The following PARP6 variants were observed in gnomAD, a reference collection of about 807,000 sequenced individuals.
PARP6 encodes poly(ADP-ribose) polymerase family member 6, also known as protein mono-ADP-ribosyltransferase PARP6.
A neutral mutation model predicts 92.0 loss-of-function variants in PARP6; 27 were observed. The observed-to-expected ratio is 0.29, with a 90% CI of 0.22 to 0.40. PARP6 has a LOEUF of 0.40. PARP6 is among the 10% of genes least tolerant of loss of function. PARP6 has a pLI of 1.00. For synonymous variants in PARP6, 272 were observed against 281.2 expected, an observed-to-expected ratio of 0.97 and a Z score of 0.33; for missense variants, 501 against 784.5, an observed-to-expected ratio of 0.64 and a Z score of 4.32.
chr15:72,270,770 A>G (rs949132249), intron 2 of PARP6, among the ~76,000 whole-genome samples: 1 of 152,152 alleles, frequency 6.6e-6, no homozygotes, highest in Non-Finnish European at 1.5e-5. Flanking sequence ...CTCCCTTCCC[A>G]GCTTTATTTT....
intron 16 of PARP6, among the ~76,000 whole-genome samples, chr15:72,252,827 C>CA (rs1196780278): frequency 6.6e-6 from 1 of 151,874 alleles, no homozygotes; most frequent in East Asian, 1.9e-4. Flanking sequence ...ATTAACAAAC[C>CA]AAAAAAGAAA....
chr15:72,270,868 C>G (rs1343508113), intron 2 of PARP6, among the ~76,000 whole-genome samples, 155 bp downstream of exon 2: 1 of 152,216 alleles, frequency 6.6e-6, no homozygotes, highest in African/African-American at 2.4e-5. Context: ...AGTCTACATT[C>G]TTAGTCCCTT....
chr15:72,257,680 C>T (rs2085312066), intron 12 of PARP6, among the ~76,000 whole-genome samples: 2 of 152,196 alleles, frequency 1.3e-5, no homozygotes, highest in Admixed American at 1.3e-4. Flanking sequence ...TGTTCTCTCA[C>T]CTGATTTTTA....
chr15:72,247,705 TTTG>T (rs2083792550), intron 20 of PARP6, among the ~76,000 whole-genome samples: 1 of 152,332 alleles, frequency 6.6e-6, no homozygotes, highest in Non-Finnish European at 1.5e-5. Flanking sequence ...TCTTGTCAGA[TTTG>T]TTATCTTTTT....
chr15:72,260,749 G>T, intron 9 of PARP6, 61 bp from the exon 10 acceptor site: 1 of 1,331,722 alleles, frequency 7.5e-7, no homozygotes, highest in South Asian at 1.2e-5. Context: ...CCCTGGAGGG[G>T]ACTGGAGATA....
In PARP6 at chr15:72,241,877, C is replaced by A; in HGVS notation, c.1790+24G>T. 5 of 1,558,798 alleles carry A rather than the reference C, an allele frequency of 3.2e-6. No homozygotes were observed. Among genetic ancestry groups the A allele is most frequent in the Non-Finnish European group, 4.4e-6 (5 of 1,129,916 alleles). On this transcript the variant is annotated intron_variant, in intron 23 of 23. Coordinates refer to ENST00000569795, the MANE Select transcript of PARP6 (RefSeq NM_001323532.2). The surrounding 1 kb of genome is among the most constrained non-coding windows in gnomAD (Gnocchi z 4.1). ...CCCCCAACCTCACTCCTCGAGTAAT[C>A]CCCAGAGTCCCTCCGACACTTACAC...
chr15:72,272,523 G>C lies in PARP6; in HGVS notation c.-590C>G, dbSNP rs2087598371. The C allele has an allele frequency of 6.6e-6, 1 of 150,856 alleles. No homozygotes were observed. The allele number at this position is 150,856 out of a possible 1,614,324, so 9.3% of individuals were successfully genotyped here. ...CTCACGGCGACCCCGGGCCGCGCGC[G>C]GCCGCAGCCGACGGGACGAGCGGCC... On this transcript the variant is annotated 5_prime_UTR_variant, in exon 1 of 24. Coordinates refer to ENST00000569795, the MANE Select transcript of PARP6 (RefSeq NM_001323532.2).
At chr15:72,247,161 A>C (rs2083723430) in intron 20 of PARP6, among the ~76,000 whole-genome samples, 1 of 152,066 alleles carries the variant, frequency 6.6e-6, no homozygotes, top group South Asian at 2.1e-4. Flanking sequence ...TGTCTTCTGA[A>C]GAATATAAGT....
intron 2 of PARP6, among the ~76,000 whole-genome samples, chr15:72,268,414 C>T (rs1350431314): frequency 6.6e-6 from 1 of 152,238 alleles, no homozygotes; most frequent in Non-Finnish European, 1.5e-5. Flanking sequence ...TCTCTTTAAA[C>T]ATCAGTATTA....
intron 20 of PARP6, among the ~76,000 whole-genome samples, chr15:72,246,638 A>G (rs796278546): frequency 7.9e-5 from 12 of 152,238 alleles, no homozygotes; most frequent in African/African-American, 2.9e-4. Context: ...ACACACACAT[A>G]ATACACATAT....
chr15:72,264,510 T>C (rs2086307759), intron 8 of PARP6, 45 bp downstream of exon 8: 2 of 1,432,834 alleles, frequency 1.4e-6, no homozygotes, highest in African/African-American at 1.4e-5. Flanking sequence ...CACCTCTCTC[T>C]CCTTCCTTCA....
chr15:72,258,502 T>A (rs1363386768), intron 11 of PARP6, among the ~76,000 whole-genome samples: 1 of 152,216 alleles, frequency 6.6e-6, no homozygotes, highest in East Asian at 1.9e-4. Flanking sequence ...GAAGGCATTT[T>A]AAAAATATAA....
intron 2 of PARP6, among the ~76,000 whole-genome samples, chr15:72,269,384 C>G (rs2087057047): frequency 6.6e-6 from 1 of 151,946 alleles, no homozygotes; most frequent in South Asian, 2.1e-4. Context: ...TGGTCTCGAA[C>G]TCCTGACCTC....
At chr15:72,259,051 G>A (rs868045676) in intron 11 of PARP6, among the ~76,000 whole-genome samples, 6 of 152,154 alleles carry the variant, frequency 3.9e-5, no homozygotes, top group Non-Finnish European at 5.9e-5. Flanking sequence ...AAAACAAATC[G>A]TAACAGTTCA....
rs996704251 is a variant in PARP6, at chr15:72,270,196, T to C, written c.-195+827A>G. On this transcript the variant is annotated intron_variant, in intron 2 of 23. Coordinates refer to ENST00000569795, the MANE Select transcript of PARP6 (RefSeq NM_001323532.2). ...TCAGAAACAACATGCAAACGGAAAGTATAACTAAAGTTCTTAGAGATGGAA... is the reference window on the plus strand; with the variant it reads ...TCAGAAACAACATGCAAACGGAAAGCATAACTAAAGTTCTTAGAGATGGAA... Among the ~76,000 whole-genome samples, 6 of 152,102 alleles carry C rather than the reference T, an allele frequency of 3.9e-5. No individual in the cohort carries two copies. In the East Asian group the frequency reaches 1.2e-3, roughly 29 times the overall value.
Position 72,242,292 on chromosome 15 carries a change from G to T in PARP6, c.1642-72C>A. 1 of 1,214,950 alleles carries T rather than the reference G, an allele frequency of 8.2e-7. No homozygotes were observed. Among genetic ancestry groups the T allele is most frequent in the Non-Finnish European group, 1.2e-6 (1 of 821,690 alleles). The allele number at this position is 1,214,950 out of a possible 1,614,324, so 75.3% of individuals were successfully genotyped here. ...CAGCTTTCCCTAGAGAGGCTGGTTA[G>T]CTGATGATTGGGAGTGGGGATCAGA... On this transcript the variant is annotated intron_variant, in intron 21 of 23. Transcript: ENST00000569795. The surrounding 1 kb of genome is among the most constrained non-coding windows in gnomAD (Gnocchi z 4.3).
Position 72,242,168 on chromosome 15 carries a change from G to A in PARP6, c.1694C>T (p.Ala565Val). The A allele has an allele frequency of 6.2e-7, 1 of 1,613,734 alleles. No homozygotes were observed. The highest frequency in any genetic ancestry group is 8.5e-7 in the Non-Finnish European group (1 of 1,179,626). The change falls in exon 22 of 24, where the codon GCA becomes GTA. Residue 565 changes from alanine to valine, a missense_variant. Ala to Val is a moderately conservative substitution (Grantham distance 64). This residue lies in a region of PARP6 where 191 missense variants were observed against 399.1 expected (regional missense o/e 0.48). Transcript: ENST00000569795. This position sits in a 1 kb window ranked among gnomAD's most constrained non-coding sequence, Gnocchi z 4.3. ...GGCAAGCTACCTACCTTCACAAAGT[G>A]CTATACAGTTTAGATTCCGACTCTG... ...FLQSRNLNCI[A>V]LCEVITSKDL...
intron 9 of PARP6, among the ~76,000 whole-genome samples, chr15:72,261,262 A>G (rs911384019): frequency 6.6e-6 from 1 of 152,240 alleles, no homozygotes; most frequent in Non-Finnish European, 1.5e-5. Context: ...CTTTCTTCTT[A>G]GGATGGGGAA....
intron 19 of PARP6, 99 bp downstream of exon 19, chr15:72,249,921 G>T: frequency 1.3e-6 from 1 of 756,582 alleles, no homozygotes; most frequent in South Asian, 1.5e-5. Flanking sequence ...TAGGCTTGAG[G>T]ACACTGAGGC....
Sources: gnomAD v4.1 joint callset for allele counts (sites outside exome capture counted in the v4.1 genomes callset) on GRCh38, gnomAD v4.1.1 for gene constraint, gnomAD v4.1.1 regional missense constraint, Gnocchi (gnomAD v3.1) non-coding constraint, MANE v1.5 for transcripts, NCBI Gene and HGNC (gene_info 2026-07-23, HGNC 2026-07-21) for gene names.